ICE2: variants seen among roughly 807,000 people sequenced by gnomAD.
ICE2 encodes the protein interactor of little elongation complex ELL subunit 2, also known as little elongation complex subunit 2.
In ICE2, 87 loss-of-function variants were observed where a neutral mutation model predicts 105.4. The ratio of observed to expected loss-of-function variants is 0.83; its 90% CI spans 0.69 to 0.99. The LOEUF is 0.99. Among genes scored for constraint, ICE2 ranks in the 50% least tolerant of loss-of-function variants. The pLI is 0.00. For synonymous variants in ICE2, 399 were observed against 392.0 expected (o/e 1.02, Z -0.21); for missense variants, 1,323 against 1,146.7 (o/e 1.15, Z -2.22).
At chr15:60,478,212 T>C (rs2064822219) in intron 1 of ICE2, 143 bp from the exon 2 acceptor site, 1 of 562,588 alleles carries the variant, frequency 1.8e-6, no homozygotes, top group South Asian at 2.2e-5. Flanking sequence ...CAAGGTTCTT[T>C]GTAGCAGAGC....
intron 9 of ICE2, chr15:60,451,380 A>G: frequency 1.1e-6 from 1 of 944,204 alleles, no homozygotes. Flanking sequence ...CCAAAGCAGA[A>G]TCTGATAAAG....
chr15:60,451,407 GA>G (rs36103629), intron 9 of ICE2: 122,449 of 956,250 alleles, frequency 0.13, 8,440 homozygotes, highest in Middle Eastern at 0.19. Context: ...TCTATGTTCA[GA>G]AGGAAATAAA....
Position 60,420,369 on chromosome 15 carries a change from C to G in ICE2, c.*3265G>C, listed in dbSNP as rs1439204313. ...TATTCTTGCTGCTTTAATTCTGGGCCATTGCCATTTTTCAGTTACTACAAC... is the reference window on the plus strand; with the variant it reads ...TATTCTTGCTGCTTTAATTCTGGGCGATTGCCATTTTTCAGTTACTACAAC... On this transcript the variant is annotated 3_prime_UTR_variant, in exon 16 of 16. Coordinates refer to ENST00000261520, the MANE Select transcript of ICE2 (RefSeq NM_024611.6). 6.6e-6 allele frequency: 1 copy of G among 151,988 alleles called. No homozygotes were observed. The highest frequency in any genetic ancestry group is 2.4e-5 in the African/African-American group (1 of 41,362). 9.4% of individuals were successfully genotyped at this position (151,988 alleles called of 1,614,324 possible).
intron 5 of ICE2, among the ~76,000 whole-genome samples, chr15:60,462,393 C>T (rs2064303531): frequency 6.6e-6 from 1 of 151,970 alleles, no homozygotes. Context: ...TTGAAAACTG[C>T]TAAGAGAGTA....
intron 5 of ICE2, among the ~76,000 whole-genome samples, chr15:60,462,332 A>T (rs1237946460): frequency 1.3e-5 from 2 of 152,160 alleles, no homozygotes; most frequent in Non-Finnish European, 2.9e-5. Flanking sequence ...AAAATTCAAG[A>T]GATCAATTAT....
chr15:60,470,721 AT>A (rs1345165766), intron 3 of ICE2, among the ~76,000 whole-genome samples: 1 of 152,194 alleles, frequency 6.6e-6, no homozygotes, highest in African/African-American at 2.4e-5. Context: ...AACTGTATTC[AT>A]TTTAACTGAT....
rs1178635448 is a variant in ICE2, at chr15:60,421,429, T to A, written c.*2205A>T. 6.6e-6 allele frequency: 1 copy of A among 152,062 alleles called. No individual in the cohort carries two copies. The highest frequency in any genetic ancestry group is 1.5e-5 in the Non-Finnish European group (1 of 68,018). 9.4% of individuals were successfully genotyped at this position (152,062 alleles called of 1,614,324 possible). A position where few individuals can be genotyped will look rare whatever the true frequency, so the allele number is the denominator to read the frequency against. ...GTACTAAAAATCAAGAAAAAGAACA[T>A]AAAGCATATCAAATGTATGTTAAAA... is the stretch of plus-strand genomic sequence containing the variant. On this transcript the variant is annotated 3_prime_UTR_variant, in exon 16 of 16. Transcript: ENST00000261520.
intron 6 of ICE2, 137 bp from the exon 7 acceptor site, chr15:60,455,579 A>G (rs2064084817): frequency 3.2e-6 from 2 of 618,940 alleles, no homozygotes; most frequent in Non-Finnish European, 5.6e-6. Flanking sequence ...TAGAAACTTT[A>G]TGCCAAGATA....
chr15:60,455,451 G>T lies in ICE2; in HGVS notation c.667-9C>A. 6.5e-7 allele frequency: 1 copy of T among 1,529,020 alleles called. No individual in the cohort carries two copies. The highest frequency in any genetic ancestry group is 8.9e-7 in the Non-Finnish European group (1 of 1,120,898). 94.7% of individuals were successfully genotyped at this position (1,529,020 alleles called of 1,614,324 possible). Reference sequence around the variant, plus strand: ...ACATATTTTACACTGCCCTAAATATGAAAAAAAAATCATTTTATTGCAAAA... The same window carrying T: ...ACATATTTTACACTGCCCTAAATATTAAAAAAAAATCATTTTATTGCAAAA... On this transcript the variant is annotated splice_polypyrimidine_tract_variant and intron_variant, in intron 6 of 15. Transcript: ENST00000261520.
chr15:60,451,578 C>CA, intron 9 of ICE2: 1 of 983,884 alleles, frequency 1.0e-6, no homozygotes, highest in South Asian at 4.7e-5. Context: ...TAATTTGAGG[C>CA]AAAAAAAGCA....
Position 60,455,420 on chromosome 15 carries a change from GT to G in ICE2, c.688del (p.Thr230GlnfsTer8), listed in dbSNP as rs2064079549. The G allele has an allele frequency of 3.1e-6, 5 of 1,611,940 alleles. No individual in the cohort carries two copies. In the South Asian group the frequency reaches 5.5e-5, roughly 18 times the overall value. ...CTTTATAGGCATTGAGGGAAATACT[GT>G]TTTCACATATTTTACACTGCCCTAA... ...LALGSVKYVK[T>X]VFPSMPIKLQ... is the part of the protein sequence containing the mutation. On this transcript the variant is annotated frameshift_variant, in exon 7 of 16. Transcript: ENST00000261520. LOFTEE classifies it high-confidence loss of function.
chr15:60,470,452 A>G (rs1194865139), intron 3 of ICE2, among the ~76,000 whole-genome samples: 1 of 152,148 alleles, frequency 6.6e-6, no homozygotes, highest in Non-Finnish European at 1.5e-5. Context: ...GATTGTCACA[A>G]AAGGGGGGAA....
Position 60,428,401 on chromosome 15 carries a change from G to A in ICE2, c.2820+28C>T, listed in dbSNP as rs1405602713. The A allele has an allele frequency of 1.9e-6, 3 of 1,602,018 alleles. No individual in the cohort carries two copies. The East Asian group carries it at 6.7e-5, about 36-fold the overall frequency. On this transcript the variant is annotated intron_variant, in intron 15 of 15. Transcript: ENST00000261520. ...ATAGACGAATAATAAACAACCTAATGAACCTTTAATTTCAAAAAAGATCTT... is the reference window on the plus strand; with the variant it reads ...ATAGACGAATAATAAACAACCTAATAAACCTTTAATTTCAAAAAAGATCTT...
rs1566986699 is a variant in ICE2 at position 60,449,408 on chromosome 15, T to C, written c.1559A>G (p.Gln520Arg). 1.9e-6 allele frequency: 3 copies of C among 1,613,706 alleles called. No homozygotes were observed. The highest frequency in any genetic ancestry group is 2.2e-5 in the East Asian group (1 of 44,880). The change falls in exon 10 of 16, where the codon CAG becomes CGG. Residue 520 changes from glutamine (Q) to arginine (R), a missense_variant. Physicochemically the swap from Gln to Arg is conservative, Grantham distance 43. Coordinates refer to ENST00000261520, the MANE Select transcript of ICE2 (RefSeq NM_024611.6). The part of the protein sequence containing the change: ...TSDALQLENS[Q>R]EIETSNKNDM... ...ATTTTTATTAGAAGTTTCAATTTCC[T>C]GAGAATTTTCTAACTGTAAGGCATC...
chr15:60,448,051 T>C lies in ICE2; in HGVS notation c.2214A>G (p.Gln738=), dbSNP rs370218809. 4.3e-6 allele frequency: 7 copies of C among 1,613,802 alleles called. No homozygotes were observed. The highest frequency in any genetic ancestry group is 4.0e-5 in the African/African-American group (3 of 74,926). ...TGCAGCGTACGAGTAACAACAGGTCTTGCAGGCTAAATAACTTATAAACAA... is the reference window on the plus strand; with the variant it reads ...TGCAGCGTACGAGTAACAACAGGTCCTGCAGGCTAAATAACTTATAAACAA... The part of the protein sequence containing the change: ...GNFVYKLFSL[Q]DLLLLVRCSV... Residue 738 remains glutamine, a synonymous_variant, in exon 11 of 16, where the codon CAA becomes CAG. Coordinates refer to ENST00000261520, the MANE Select transcript of ICE2 (RefSeq NM_024611.6).
chr15:60,431,078 T>G (rs2063448510), intron 14 of ICE2, among the ~76,000 whole-genome samples: 1 of 152,156 alleles, frequency 6.6e-6, no homozygotes, highest in East Asian at 1.9e-4. Context: ...TTCACCATGT[T>G]GGCCAGGATG....
chr15:60,430,198 G>GGAGATGCGACTGTACAACTCCAGA (rs2063425752), intron 14 of ICE2, among the ~76,000 whole-genome samples: 1 of 152,162 alleles, frequency 6.6e-6, no homozygotes, highest in Non-Finnish European at 1.5e-5. Flanking sequence ...AGACTCAAAG[G>GGAGATGCGACTGTACAACTCCAGA]GAGATGCGAC....
intron 9 of ICE2, among the ~76,000 whole-genome samples, chr15:60,450,521 C>T (rs376860671): frequency 1.3e-5 from 2 of 152,210 alleles, no homozygotes; most frequent in Non-Finnish European, 1.5e-5. Flanking sequence ...GTCCCCTCTA[C>T]AAGGAGACAA....
intron 15 of ICE2, among the ~76,000 whole-genome samples, chr15:60,427,294 C>T (rs994884648): frequency 6.6e-6 from 1 of 152,120 alleles, no homozygotes; most frequent in Non-Finnish European, 1.5e-5. Flanking sequence ...TCTGGGGCAA[C>T]CATAATGAGA....
Sources: allele counts gnomAD v4.1 joint callset (sites outside exome capture counted in the v4.1 genomes callset), GRCh38; gene constraint gnomAD v4.1.1; transcripts MANE v1.5; gene names NCBI Gene and HGNC (gene_info 2026-07-23, HGNC 2026-07-21).